CELF2: variants seen among roughly 807,000 people sequenced by gnomAD.
CELF2 encodes CUG triplet repeat RNA-binding protein 2.
In CELF2, 8 loss-of-function variants were observed where a neutral mutation model predicts 62.6. The ratio of observed to expected loss-of-function variants is 0.13; its 90% CI spans 0.07 to 0.23. The LOEUF (loss-of-function observed/expected upper bound fraction) is 0.23. Ranked by LOEUF, CELF2 falls within the 10% of genes least tolerant of loss-of-function variation. The probability of loss-of-function intolerance (pLI) is 1.00; values close to 1 mark genes in which losing one functional copy is unlikely to be tolerated. For missense variants in CELF2, 333 were observed against 671.0 expected (o/e 0.50, Z 5.56); for synonymous variants, 258 against 250.0 (o/e 1.03, Z -0.30).
chr10:10,926,383 T>G (rs2065460696), intron 2 of CELF2, among the ~76,000 whole-genome samples: 1 of 152,232 alleles, frequency 6.6e-6, no homozygotes, highest in Non-Finnish European at 1.5e-5. Context: ...TCTTCTGCTG[T>G]CTGCCATGTG....
Position 11,070,334 on chromosome 10 carries a change from A to T in CELF2, c.74+52171A>T, listed in dbSNP as rs78912913. ...CACCAGCGGTGGGGCGAGGCTGGAG[A>T]GGATGCGGGCACCCATGATCCAGGG... is the stretch of plus-strand genomic sequence containing the variant. On this transcript the variant is annotated intron_variant, in intron 1 of 12. Transcript: ENST00000633077. Among the ~76,000 whole-genome samples the T allele has an allele frequency of 2.3e-4, 35 of 152,266 alleles. No homozygotes were observed. The East Asian group carries it at 6.6e-3, about 29-fold the overall frequency.
chr10:10,672,575 C>G, the CELF2 span, among the ~76,000 whole-genome samples: 1 of 151,244 alleles, frequency 6.6e-6, no homozygotes. Flanking sequence ...ATCTCATTGC[C>G]TTTGCTCCAT....
At chr10:10,911,266 C>G (rs2063788041) in intron 1 of CELF2, among the ~76,000 whole-genome samples, 1 of 152,154 alleles carries the variant, frequency 6.6e-6, no homozygotes, top group African/African-American at 2.4e-5. Flanking sequence ...TTAAGAGAAA[C>G]CTTTGGCAGT....
chr10:10,976,626 C>T (rs2136284550), intron 2 of CELF2, among the ~76,000 whole-genome samples: 1 of 152,062 alleles, frequency 6.6e-6, no homozygotes, highest in African/African-American at 2.4e-5. Flanking sequence ...TCTCAGGTTC[C>T]TAATCAGTTA....
chr10:11,213,071 C>A (rs1349029907), intron 2 of CELF2, among the ~76,000 whole-genome samples: 1 of 151,750 alleles, frequency 6.6e-6, no homozygotes, highest in East Asian at 2.0e-4. Context: ...TGTGCTGATC[C>A]CCAGAGCCCC....
intron 2 of CELF2, among the ~76,000 whole-genome samples, chr10:10,981,653 C>T (rs2052122938): frequency 3.3e-5 from 5 of 152,326 alleles, no homozygotes; most frequent in Admixed American, 2.6e-4. Context: ...GGGCTCTGCT[C>T]ATTTTATTCC....
At chr10:11,033,889 T>A (rs887066413) in intron 1 of CELF2, among the ~76,000 whole-genome samples, 3 of 152,256 alleles carry the variant, frequency 2.0e-5, no homozygotes, top group African/African-American at 7.2e-5. Flanking sequence ...ATTGTTGGAC[T>A]GAACTGATTA....
At chr10:11,298,927 A>G (rs10508420) in intron 9 of CELF2, among the ~76,000 whole-genome samples, 11,879 of 152,274 alleles carry the variant, frequency 0.078, 815 homozygotes, top group African/African-American at 0.18. Flanking sequence ...ATAAGGTCCA[A>G]TGATATTTTT....
chr10:11,106,748 C>T (rs964963131), intron 1 of CELF2, among the ~76,000 whole-genome samples: 6 of 152,230 alleles, frequency 3.9e-5, no homozygotes, highest in Non-Finnish European at 5.9e-5. Flanking sequence ...GTGGTCTTTA[C>T]GGAAGGAGCT....
rs569191191 is a variant in CELF2, at chr10:11,247,394, C to G, written c.355-1759C>G. Among the ~76,000 whole-genome samples the G allele has an allele frequency of 6.6e-6, 1 of 152,322 alleles. No homozygotes were observed. Among genetic ancestry groups the G allele is most frequent in the East Asian group, 1.9e-4 (1 of 5,170 alleles). On this transcript the variant is annotated intron_variant, in intron 3 of 12. Coordinates refer to ENST00000633077, the MANE Select transcript of CELF2 (RefSeq NM_001326342.2). This position sits in a 1 kb window ranked among gnomAD's most constrained non-coding sequence, Gnocchi z 5.4. ...CTGCCCCGTGAGTTTCACATGCCGG[C>G]CCCCCTTCAGTGCTCGCACGTCCAA...
chr10:10,915,978 T>G lies in CELF2; in HGVS notation c.54-3986T>G, dbSNP rs868223765. 3.9e-5 allele frequency among the ~76,000 whole-genome samples: 6 copies of G among 152,348 alleles called. No individual in the cohort carries two copies. In the South Asian group the frequency reaches 8.3e-4, roughly 21 times the overall value. On this transcript the variant is annotated intron_variant, in intron 1 of 13. Transcript: ENST00000636488. ...TACGCTTAGGAAGCAATGCTAATAA[T>G]GGACATTGTGCCTATAAAAGGTCAA... is the stretch of plus-strand genomic sequence containing the variant.
At chr10:10,839,402 C>T (rs2058528291) in intron 1 of CELF2, among the ~76,000 whole-genome samples, 1 of 152,226 alleles carries the variant, frequency 6.6e-6, no homozygotes, top group Non-Finnish European at 1.5e-5. Flanking sequence ...AACTCCCACT[C>T]TAACAGTGAG....
At chr10:11,087,836 GTAGT>G (rs746156562) in intron 1 of CELF2, among the ~76,000 whole-genome samples, 4 of 152,218 alleles carry the variant, frequency 2.6e-5, no homozygotes, top group Non-Finnish European at 2.9e-5. Context: ...CTGCGGTGAA[GTAGT>G]TAGGCTTTAT....
At chr10:10,832,906 T>C (rs1400828498) in intron 1 of CELF2, among the ~76,000 whole-genome samples, 1 of 152,154 alleles carries the variant, frequency 6.6e-6, no homozygotes. Flanking sequence ...ACTGGCTTTC[T>C]CAGATATCCA....
the CELF2 span, among the ~76,000 whole-genome samples, chr10:10,652,067 T>C: frequency 3.4e-5 from 5 of 145,018 alleles, no homozygotes; most frequent in Non-Finnish European, 7.6e-5. Flanking sequence ...GAGAACTACG[T>C]GAAGAATGCA....
At chr10:11,101,675 A>G (rs1457436050) in intron 1 of CELF2, among the ~76,000 whole-genome samples, 1 of 152,240 alleles carries the variant, frequency 6.6e-6, no homozygotes, top group African/African-American at 2.4e-5. Flanking sequence ...TCCACCCTTA[A>G]TAACTGGCTG....
the CELF2 span, among the ~76,000 whole-genome samples, chr10:10,527,103 A>G: frequency 0.91 from 138,159 of 152,274 alleles, 63,227 homozygotes; most frequent in South Asian, 0.97. Context: ...CAGTACTCCA[A>G]TGATGTCACA....
rs867774694 is a variant in CELF2, at chr10:11,117,330, G to A, written c.75-48156G>A. On this transcript the variant is annotated intron_variant, in intron 1 of 12. Coordinates refer to ENST00000633077, the MANE Select transcript of CELF2 (RefSeq NM_001326342.2). The surrounding 1 kb of genome is among the most constrained non-coding windows in gnomAD (Gnocchi z 4.1). ...TCTGAGTTGCTTTCTTCATTCAACG[G>A]GTGTAACAATATAAATCCTGCTGAT... Among the ~76,000 whole-genome samples the A allele has an allele frequency of 3.3e-5, 5 of 152,140 alleles. No individual in the cohort carries two copies. The highest frequency in any genetic ancestry group is 5.9e-5 in the Non-Finnish European group (4 of 68,022).
chr10:10,886,877 A>G (rs2061786264), intron 1 of CELF2, among the ~76,000 whole-genome samples: 1 of 152,134 alleles, frequency 6.6e-6, no homozygotes, highest in South Asian at 2.1e-4. Context: ...AGGGGCTGAC[A>G]TTATTTATAA....
Sources: gnomAD v4.1 joint callset for allele counts (sites outside exome capture counted in the v4.1 genomes callset) on GRCh38, gnomAD v4.1.1 for gene constraint, Gnocchi (gnomAD v3.1) non-coding constraint, MANE v1.5 for transcripts, NCBI Gene and HGNC (gene_info 2026-07-23, HGNC 2026-07-21) for gene names.